Variants in TP53BP2 observed in about 807,000 individuals in gnomAD.
TP53BP2 encodes apoptosis-stimulating of p53 protein 2.
Under a neutral mutation model 126.2 loss-of-function variants are expected in TP53BP2, and 62 were observed. The ratio of observed to expected loss-of-function variants is 0.49; its 90% confidence interval spans 0.40 to 0.61. The LOEUF (loss-of-function observed/expected upper bound fraction) is 0.61. TP53BP2 is among the 20% of genes least tolerant of loss of function. The pLI is 0.00. For synonymous variants in TP53BP2, 485 were observed against 502.9 expected (o/e 0.96, Z 0.48); for missense variants, 1,215 against 1,402.8 (o/e 0.87, Z 2.14).
At chr1:223,844,256 A>C (rs1258914144) in intron 1 of TP53BP2, among the ~76,000 whole-genome samples, 1 of 152,242 alleles carries the variant, frequency 6.6e-6, no homozygotes, top group African/African-American at 2.4e-5. Flanking sequence ...CTCAAGAGCC[A>C]CATAACGTTT....
intron 15 of TP53BP2, among the ~76,000 whole-genome samples, chr1:223,790,758 C>T (rs907364785): frequency 2.0e-5 from 3 of 151,874 alleles, no homozygotes; most frequent in African/African-American, 4.8e-5. Context: ...CACACACCAG[C>T]GCACCTAGCT....
At chr1:223,812,093 G>A (rs746973043) in intron 3 of TP53BP2, among the ~76,000 whole-genome samples, 8 of 151,326 alleles carry the variant, frequency 5.3e-5, no homozygotes, top group Non-Finnish European at 1.0e-4. Flanking sequence ...AAAAGCCTAC[G>A]GAAAAAAATA....
At chr1:223,781,697 G>T (rs1661784523) in intron 17 of TP53BP2, among the ~76,000 whole-genome samples, 1 of 151,838 alleles carries the variant, frequency 6.6e-6, no homozygotes, top group South Asian at 2.1e-4. Context: ...AAAACTGGTG[G>T]ATCCATGTTA....
chr1:223,798,257 C>G lies in TP53BP2; in HGVS notation c.1906G>C (p.Ala636Pro). The change falls in exon 12 of 18, where the codon GCG (alanine) becomes CCG (proline). Residue 636 changes from alanine (A) to proline (P), a missense_variant. Ala to Pro is a conservative substitution (Grantham distance 27). Coordinates refer to ENST00000343537, the MANE Select transcript of TP53BP2 (RefSeq NM_001031685.3). ...GKNFQQAVQS[A>P]LTKTHTRGPH... ...CCTCTGGTATGAGTCTTGGTCAACGCGCTCTGCACAGCCTGCTGGAAGTTT... is the reference window on the plus strand; with the variant it reads ...CCTCTGGTATGAGTCTTGGTCAACGGGCTCTGCACAGCCTGCTGGAAGTTT... 1 of 1,614,200 alleles carries G rather than the reference C, an allele frequency of 6.2e-7. No individual in the cohort carries two copies. Among genetic ancestry groups the G allele is most frequent in the South Asian group, 1.1e-5 (1 of 91,080 alleles).
In TP53BP2 at chr1:223,845,724, C is replaced by A. The variant is rs761405995; in HGVS notation, c.-44G>T. The stretch of plus-strand genomic sequence containing the variant: ...TGCGGCCCCGGCCGAGCTGAGGTGC[C>A]CCGGAGGGTCGCGGATGCGGGGGAG... On this transcript the variant is annotated 5_prime_UTR_variant, in exon 1 of 18. Coordinates refer to ENST00000343537, the MANE Select transcript of TP53BP2 (RefSeq NM_001031685.3). 6.7e-7 allele frequency: 1 copy of A among 1,493,364 alleles called. No homozygotes were observed. The highest frequency in any genetic ancestry group is 8.9e-7 in the Non-Finnish European group (1 of 1,123,926). 92.5% of individuals were successfully genotyped at this position (1,493,364 alleles called of 1,614,324 possible).
At chr1:223,802,952 A>G in intron 7 of TP53BP2, 57 bp from the exon 8 acceptor site, 2 of 1,565,424 alleles carry the variant, frequency 1.3e-6, no homozygotes, top group Non-Finnish European at 1.8e-6. Flanking sequence ...AATGTCTCAA[A>G]CAGTTAATCA....
At position 223,795,941 on chromosome 1, in the gene TP53BP2, A is replaced by T; in HGVS notation, c.2598T>A (p.Asp866Glu). The change falls in exon 13 of 18, where the codon GAT (aspartate) becomes GAA (glutamate). Residue 866 changes from aspartate (D) to glutamate (E), a missense_variant. Around this residue, in one of 4 missense-constraint regions of TP53BP2, gnomAD observed 204 missense variants for 225.7 expected, o/e 0.90. Transcript: ENST00000343537. ...EPNPEAPHVL[D>E]VYLEEYPPYP... ...ATGGAGGGTACTCCTCCAGGTACACATCAAGCACATGTGGAGCCTCTGGAT... is the reference window on the plus strand; with the variant it reads ...ATGGAGGGTACTCCTCCAGGTACACTTCAAGCACATGTGGAGCCTCTGGAT... 1.2e-6 allele frequency: 2 copies of T among 1,614,124 alleles called. No homozygotes were observed. Among genetic ancestry groups the T allele is most frequent in the South Asian group, 2.2e-5 (2 of 91,052 alleles).
intron 1 of TP53BP2, among the ~76,000 whole-genome samples, chr1:223,828,677 G>A (rs149503079): frequency 1.8e-3 from 268 of 152,274 alleles, no homozygotes; most frequent in African/African-American, 4.9e-3. Flanking sequence ...ACTGATACAC[G>A]CTACCGCACA....
At position 223,780,646 on chromosome 1, in the gene TP53BP2, G is replaced by C; in HGVS notation, c.*207C>G. ...CCTTTGCCCCAACACAGTATGGCCT[G>C]CTGACGTAGATGCTTTATTTCATCA... On this transcript the variant is annotated 3_prime_UTR_variant, in exon 18 of 18. Transcript: ENST00000343537. The C allele has an allele frequency of 1.7e-6, 1 of 581,692 alleles. No homozygotes were observed. The highest frequency in any genetic ancestry group is 2.9e-5 in the East Asian group (1 of 34,792). The allele number at this position is 581,692 out of a possible 1,614,324, so 36.0% of individuals were successfully genotyped here. A position where few individuals can be genotyped will look rare whatever the true frequency, so the allele number is the denominator to read the frequency against.
chr1:223,802,614 T>TAAA, intron 8 of TP53BP2, 117 bp downstream of exon 8: 2 of 1,239,480 alleles, frequency 1.6e-6, no homozygotes, highest in Non-Finnish European at 2.3e-6. Context: ...ATAAACAGCA[T>TAAA]CTGTTTTCTG....
intron 1 of TP53BP2, among the ~76,000 whole-genome samples, chr1:223,831,482 T>A (rs985030957): frequency 0.079 from 1,171 of 14,904 alleles, 23 homozygotes; most frequent in African/African-American, 0.19. Flanking sequence ...AAAAAAAAAA[T>A]ATATATATAT....
chr1:223,783,020 C>A (rs1661825480), intron 17 of TP53BP2, among the ~76,000 whole-genome samples: 1 of 152,084 alleles, frequency 6.6e-6, no homozygotes, highest in African/African-American at 2.4e-5. Context: ...GCAGTCAGGT[C>A]CCAACACTGA....
chr1:223,845,514 A>G (rs1398033477), intron 1 of TP53BP2, 140 bp downstream of exon 1: 4 of 962,520 alleles, frequency 4.2e-6, no homozygotes, highest in Non-Finnish European at 5.6e-6. Flanking sequence ...AACCCGCTCG[A>G]AGCTCGGAAA....
intron 3 of TP53BP2, among the ~76,000 whole-genome samples, chr1:223,811,647 G>A (rs561983322): frequency 1.3e-5 from 2 of 152,288 alleles, no homozygotes; most frequent in African/African-American, 4.8e-5. Context: ...AGCAATAAGA[G>A]CCTTAAACAT....
chr1:223,818,577 AT>A (rs565244490), intron 2 of TP53BP2, among the ~76,000 whole-genome samples: 36 of 146,070 alleles, frequency 2.5e-4, no homozygotes, highest in South Asian at 4.3e-4. Flanking sequence ...TTAAAAAAAA[AT>A]TTTTTTTTTT....
chr1:223,805,298 A>G (rs530764809), intron 5 of TP53BP2, among the ~76,000 whole-genome samples: 24 of 152,156 alleles, frequency 1.6e-4, no homozygotes, highest in Admixed American at 6.6e-5. Flanking sequence ...AAGTCCTTGA[A>G]GACTAAAAAG....
intron 16 of TP53BP2, among the ~76,000 whole-genome samples, chr1:223,785,337 ATTC>A (rs746362129): frequency 7.9e-5 from 12 of 152,218 alleles, no homozygotes; most frequent in Non-Finnish European, 1.6e-4. Context: ...GAAACAAGAA[ATTC>A]TTCTTTTCTA....
chr1:223,823,575 C>T (rs1663390614), intron 1 of TP53BP2, among the ~76,000 whole-genome samples: 1 of 152,194 alleles, frequency 6.6e-6, no homozygotes, highest in African/African-American at 2.4e-5. Flanking sequence ...TTATCTCAGG[C>T]TTTTCACATT....
At chr1:223,822,892 G>C (rs1311763441) in intron 1 of TP53BP2, among the ~76,000 whole-genome samples, 1 of 152,076 alleles carries the variant, frequency 6.6e-6, no homozygotes, top group East Asian at 1.9e-4. Context: ...TCAATTCAAT[G>C]AGTAACTCCA....
Sources: gnomAD v4.1 joint callset for allele counts (sites outside exome capture counted in the v4.1 genomes callset) on GRCh38, gnomAD v4.1.1 for gene constraint, gnomAD v4.1.1 regional missense constraint, MANE v1.5 for transcripts, NCBI Gene and HGNC (gene_info 2026-07-23, HGNC 2026-07-21) for gene names.